Variants in CHUK observed in about 807,000 individuals in gnomAD.
CHUK encodes the protein component of inhibitor of nuclear factor kappa B kinase complex.
Under a neutral mutation model 104.8 loss-of-function variants are expected in CHUK, and 35 were observed. The ratio of observed to expected loss-of-function variants is 0.33; its 90% CI spans 0.26 to 0.44. The LOEUF is 0.44. CHUK is among the 20% of genes least tolerant of loss of function. The pLI is 1.00. For missense variants in CHUK, 663 were observed against 902.7 expected (o/e 0.73, Z 3.40); for synonymous variants, 276 against 291.9 (o/e 0.95, Z 0.56).
In CHUK at chr10:100,228,991, GCGCA is replaced by G. The variant is rs1194626038; in HGVS notation, c.105+433_105+436del. Among the ~76,000 whole-genome samples, 414 of 114,982 alleles carry G rather than the reference GCGCA, an allele frequency of 3.6e-3. 1 individual carries two copies. The highest frequency in any genetic ancestry group is 0.012 in the African/African-American group (375 of 30,004). The allele number at this position is 114,982 out of a possible 152,430, so 75.4% of individuals were successfully genotyped here. ...ATGGCCTCCAAGCGCGCGCGCGCGC[GCGCA>G]CACACACACACACACACACACACAC... On this transcript the variant is annotated intron_variant, in intron 1 of 20. Transcript: ENST00000370397.
At chr10:100,213,483 T>A (rs551315191) in intron 9 of CHUK, among the ~76,000 whole-genome samples, 1 of 140,694 alleles carries the variant, frequency 7.1e-6, no homozygotes, top group Non-Finnish European at 1.5e-5. Context: ...AAGACTCTTA[T>A]CTCAAAAAAA....
chr10:100,225,873 T>A (rs551727201), intron 2 of CHUK, 50 bp downstream of exon 2: 1 of 1,028,628 alleles, frequency 9.7e-7, no homozygotes, highest in Admixed American at 1.7e-5. Context: ...CATGATGACA[T>A]CTGGTTGGGC....
rs201199767 is a variant in CHUK at position 100,207,297 on chromosome 10, A to G, written c.1164T>C (p.Asp388=). 115 of 1,561,104 alleles carry G rather than the reference A, an allele frequency of 7.4e-5. No individual in the cohort carries two copies. In the African/African-American group the frequency reaches 1.1e-3, roughly 15 times the overall value. Residue 388 remains aspartate, a synonymous_variant, in exon 11 of 21, where the codon GAT becomes GAC. Transcript: ENST00000370397. The part of the protein sequence containing the change: ...GCDSYMVYLF[D]KSKTVYEGPF... ...GCCCTTCATATACAGTTTTACTTTT[A>G]TCAAACAAATAAACCATATAGCTAT...
chr10:100,193,400 G>C lies in CHUK; in HGVS notation c.2006C>G (p.Ser669Cys), dbSNP rs147094701. 22 of 1,613,918 alleles carry C rather than the reference G, an allele frequency of 1.4e-5. No homozygotes were observed. Among genetic ancestry groups the C allele is most frequent in the Non-Finnish European group, 1.9e-5 (22 of 1,179,946 alleles). Residue 669 changes from serine (S) to cysteine (C), a missense_variant, in exon 19 of 21, where the codon TCC becomes TGC. Around this residue, in one of 5 missense-constraint regions of CHUK, gnomAD observed 311 missense variants for 393.4 expected, o/e 0.79. Coordinates refer to ENST00000370397, the MANE Select transcript of CHUK (RefSeq NM_001278.5). ...AGGGGTTACTGCACCTTCTAGACTG[G>C]ATCCTACAAGGGACCGGGCAGAACT... is the stretch of plus-strand genomic sequence containing the variant. Reference protein sequence around the residue: ...TQSSARSLVGSSLEGAVTPQT... With the variant: ...TQSSARSLVGCSLEGAVTPQT...
chr10:100,192,201 T>C (rs565417096), intron 19 of CHUK, among the ~76,000 whole-genome samples: 2 of 152,322 alleles, frequency 1.3e-5, no homozygotes, highest in African/African-American at 2.4e-5. Flanking sequence ...ACACTTCAAA[T>C]TGGAAATTAC....
At chr10:100,217,113 A>G (rs913536738) in intron 9 of CHUK, among the ~76,000 whole-genome samples, 6 of 152,172 alleles carry the variant, frequency 3.9e-5, no homozygotes, top group South Asian at 2.1e-4. Flanking sequence ...ACAAAGGTAG[A>G]TAACGGGTTT....
Position 100,222,187 on chromosome 10 carries a change from A to G in CHUK, c.316-6T>C, listed in dbSNP as rs1319876814. ...TTTTCTGGTTTGTTGAGCAGCTAAA[A>G]AAAGAAAGAAATCTAAAAATCTGTT... On this transcript the variant is annotated splice_polypyrimidine_tract_variant and splice_region_variant and intron_variant, in intron 3 of 20. Coordinates refer to ENST00000370397, the MANE Select transcript of CHUK (RefSeq NM_001278.5). 2 of 1,572,546 alleles carry G rather than the reference A, an allele frequency of 1.3e-6. No homozygotes were observed. The highest frequency in any genetic ancestry group is 1.7e-6 in the Non-Finnish European group (2 of 1,146,006).
downstream of CHUK, chr10:100,187,853 A>G (rs1215152708): frequency 2.6e-5 from 4 of 152,222 alleles, no homozygotes; most frequent in Non-Finnish European, 4.4e-5. Flanking sequence ...AATAATTGCA[A>G]TGCTTGGATG....
intron 18 of CHUK, chr10:100,193,670 GAA>G: frequency 1.9e-6 from 1 of 535,076 alleles, no homozygotes; most frequent in Non-Finnish European, 3.3e-6. Context: ...GTTGAAGAAA[GAA>G]AAAAAAAACC....
intron 2 of CHUK, among the ~76,000 whole-genome samples, chr10:100,224,539 C>T (rs1048994099): frequency 1.3e-5 from 2 of 151,880 alleles, no homozygotes; most frequent in African/African-American, 4.8e-5. Context: ...CGGGTTCAAG[C>T]AATTCTCCTC....
chr10:100,191,908 C>T (rs1189496850), intron 19 of CHUK, among the ~76,000 whole-genome samples: 1 of 152,226 alleles, frequency 6.6e-6, no homozygotes, highest in Admixed American at 6.5e-5. Flanking sequence ...TACTTGAGGT[C>T]AGGAGTTCGA....
intron 16 of CHUK, among the ~76,000 whole-genome samples, chr10:100,196,385 G>GT (rs34375161): frequency 0.054 from 6,943 of 128,170 alleles, 219 homozygotes; most frequent in African/African-American, 0.093. Context: ...TCTGCTCTGG[G>GT]TTTTTTTTTT....
At chr10:100,205,041 T>C (rs1181243433) in intron 12 of CHUK, 35 bp downstream of exon 12, 1 of 1,609,386 alleles carries the variant, frequency 6.2e-7, no homozygotes, top group East Asian at 2.2e-5. Context: ...ATGATGCACA[T>C]TGCATTGTGC....
chr10:100,210,081 TTATTTATTTA>T (rs1242486210), intron 9 of CHUK, among the ~76,000 whole-genome samples: 8 of 134,342 alleles, frequency 6.0e-5, no homozygotes, highest in Middle Eastern at 3.6e-3. Context: ...ATTTATTTAT[TTATTTATTTA>T]TTTTTTTTTT....
At chr10:100,218,690 C>A in intron 8 of CHUK, 28 bp downstream of exon 8, 1 of 1,468,786 alleles carries the variant, frequency 6.8e-7, no homozygotes, top group Non-Finnish European at 9.5e-7. Context: ...GAAACTGAGG[C>A]AAACTTCCTT....
intron 17 of CHUK, 96 bp downstream of exon 17, chr10:100,194,329 G>T: frequency 9.2e-7 from 1 of 1,092,002 alleles, no homozygotes; most frequent in African/African-American, 1.5e-5. Flanking sequence ...ATTCTTCCTG[G>T]GTAAGTATAC....
In CHUK at chr10:100,209,781, G is replaced by A; in HGVS notation, c.942C>T (p.His314=). 7.4e-7 allele frequency: 1 copy of A among 1,359,574 alleles called. No individual in the cohort carries two copies. Among genetic ancestry groups the A allele is most frequent in the Non-Finnish European group, 1.1e-6 (1 of 948,784 alleles). 84.2% of individuals were successfully genotyped at this position (1,359,574 alleles called of 1,614,324 possible). ...TCTTTGCAGAAGTCATATTTAGGAT[G>A]TGTACTATCTGTATAAATAAGAAAA... ...MDHILNLKIV[H]ILNMTSAKII... The change falls in exon 10 of 21, where the codon CAC becomes CAT. Residue 314 remains histidine, a synonymous_variant. Coordinates refer to ENST00000370397, the MANE Select transcript of CHUK (RefSeq NM_001278.5).
intron 6 of CHUK, 44 bp downstream of exon 6, chr10:100,219,226 A>C (rs757398483): frequency 1.1e-5 from 17 of 1,542,550 alleles, no homozygotes; most frequent in Non-Finnish European, 1.4e-5. Context: ...GAAATAAGAG[A>C]ATCCTATACA....
intron 9 of CHUK, among the ~76,000 whole-genome samples, chr10:100,217,033 G>A (rs186495802): frequency 6.6e-5 from 10 of 152,038 alleles, no homozygotes; most frequent in Non-Finnish European, 1.5e-4. Flanking sequence ...AGCTCTTAAA[G>A]ATATGCCAGT....
Sources: allele counts gnomAD v4.1 joint callset (sites outside exome capture counted in the v4.1 genomes callset), GRCh38; gene constraint gnomAD v4.1.1; regional missense constraint gnomAD v4.1.1; transcripts MANE v1.5; gene names NCBI Gene and HGNC (gene_info 2026-07-23, HGNC 2026-07-21).